CCDC6: variants seen among roughly 807,000 people sequenced by gnomAD.
CCDC6 encodes coiled-coil domain-containing protein 6.
In CCDC6, 20 loss-of-function variants were observed where a neutral mutation model predicts 56.6. That is an observed-to-expected ratio of 0.35 (90% confidence interval 0.25 to 0.51). The LOEUF (loss-of-function observed/expected upper bound fraction) is 0.51. Among genes scored for constraint, CCDC6 ranks in the 20% least tolerant of loss-of-function variants. CCDC6 has a pLI of 0.95. For synonymous variants in CCDC6, 241 were observed against 234.4 expected, an observed-to-expected ratio of 1.03 and a Z score of -0.26; for missense variants, 367 against 601.1, an observed-to-expected ratio of 0.61 and a Z score of 4.07.
At chr10:59,865,582 G>A (rs1040513862) in intron 1 of CCDC6, among the ~76,000 whole-genome samples, 4 of 152,106 alleles carry the variant, frequency 2.6e-5, no homozygotes, top group Non-Finnish European at 4.4e-5. Flanking sequence ...AGCTGGGCAC[G>A]GTGGCTCACG....
intron 7 of CCDC6, among the ~76,000 whole-genome samples, chr10:59,794,854 C>T (rs535052227): frequency 2.0e-5 from 3 of 152,116 alleles, no homozygotes; most frequent in East Asian, 1.9e-4. Context: ...GAATACACAA[C>T]GGGGAAAGAG....
rs750507272 is a variant in CCDC6 at position 59,906,322 on chromosome 10, C to T, written c.103G>A (p.Gly35Ser). The T allele has an allele frequency of 7.4e-5, 119 of 1,600,546 alleles. No individual in the cohort carries two copies. Among genetic ancestry groups the T allele is most frequent in the Non-Finnish European group, 8.8e-5 (104 of 1,178,846 alleles). ...SSCSSTSGGG[G>S]GGGGGGGGGK... ...CCGCCGCCGCCTCCCCCGCCGCCACCGCCGCCGCCCGAGGTCGACGAGCAG... is the reference window on the plus strand; with the variant it reads ...CCGCCGCCGCCTCCCCCGCCGCCACTGCCGCCGCCCGAGGTCGACGAGCAG... Residue 35 changes from glycine to serine, a missense_variant, in exon 1 of 9, where the codon GGT becomes AGT. By Grantham distance (56) the Gly-to-Ser change is moderately conservative (BLOSUM62 0). This residue lies in a region of CCDC6 where 79 missense variants were observed against 74.9 expected (regional missense o/e 1.05). Coordinates refer to ENST00000263102, the MANE Select transcript of CCDC6 (RefSeq NM_005436.5).
chr10:59,802,565 A>C (rs1431774386), intron 7 of CCDC6, among the ~76,000 whole-genome samples: 3 of 152,218 alleles, frequency 2.0e-5, no homozygotes, highest in African/African-American at 7.2e-5. Flanking sequence ...GTGATGTTAT[A>C]GAATTTAAAA....
chr10:59,841,544 G>A (rs1353092883), intron 2 of CCDC6, among the ~76,000 whole-genome samples: 2 of 152,164 alleles, frequency 1.3e-5, no homozygotes, highest in East Asian at 3.8e-4. Flanking sequence ...ACAATAATAA[G>A]TAAATGGCAG....
intron 1 of CCDC6, among the ~76,000 whole-genome samples, chr10:59,899,089 A>C (rs1156914096): frequency 6.6e-6 from 1 of 152,214 alleles, no homozygotes; most frequent in African/African-American, 2.4e-5. Flanking sequence ...ATAAAAGATA[A>C]GAAAATTTGA....
At chr10:59,804,600 G>A in intron 6 of CCDC6, 80 bp from the exon 7 acceptor site, 1 of 810,344 alleles carries the variant, frequency 1.2e-6, no homozygotes, top group South Asian at 1.4e-5. Flanking sequence ...AAAATGTTTG[G>A]GGTTCACACC....
intron 7 of CCDC6, among the ~76,000 whole-genome samples, chr10:59,799,269 A>G (rs1366691554): frequency 6.6e-6 from 1 of 151,986 alleles, no homozygotes; most frequent in Non-Finnish European, 1.5e-5. Context: ...TGTCTCTACT[A>G]AAAATACAAA....
At chr10:59,881,957 A>AGGGAACAG (rs1564755734) in intron 1 of CCDC6, among the ~76,000 whole-genome samples, 1 of 152,012 alleles carries the variant, frequency 6.6e-6, no homozygotes, top group Non-Finnish European at 1.5e-5. Flanking sequence ...GTTGGGCAAA[A>AGGGAACAG]GGGAACAGAA....
At chr10:59,882,785 C>G (rs1028575691) in intron 1 of CCDC6, among the ~76,000 whole-genome samples, 1 of 152,072 alleles carries the variant, frequency 6.6e-6, no homozygotes, top group Non-Finnish European at 1.5e-5. Flanking sequence ...ACAGTGAAAC[C>G]CCGCCTCTAG....
At position 59,852,699 on chromosome 10, in the gene CCDC6, C is replaced by A; in HGVS notation, c.307G>T (p.Ala103Ser). The change falls in exon 2 of 9, where the codon GCC becomes TCC. Residue 103 changes from alanine (A) to serine (S), a missense_variant. By Grantham distance (99) the Ala-to-Ser change is moderately conservative. Around this residue, in one of 7 missense-constraint regions of CCDC6, gnomAD observed 41 missense variants for 90.8 expected, o/e 0.45. Transcript: ENST00000263102. ...DLRKASVTIQ[A>S]RAEQEEEFIS... Reference sequence around the variant, plus strand: ...AATTCTTCTTCCTGCTCAGCCCTGGCTTGCTGTTTAAAAAAAAAAAAGGAA... The same window carrying A: ...AATTCTTCTTCCTGCTCAGCCCTGGATTGCTGTTTAAAAAAAAAAAAGGAA... 1 of 1,535,964 alleles carries A rather than the reference C, an allele frequency of 6.5e-7. No homozygotes were observed. The highest frequency in any genetic ancestry group is 2.4e-5 in the East Asian group (1 of 42,374).
chr10:59,839,683 A>G (rs1376676909), intron 2 of CCDC6, among the ~76,000 whole-genome samples: 1 of 152,140 alleles, frequency 6.6e-6, no homozygotes, highest in Admixed American at 6.5e-5. Flanking sequence ...TGGTCTTGCT[A>G]GGTTTTGCAT....
At chr10:59,885,556 C>T (rs780191470) in intron 1 of CCDC6, among the ~76,000 whole-genome samples, 1 of 152,108 alleles carries the variant, frequency 6.6e-6, no homozygotes, top group South Asian at 2.1e-4. Context: ...GACTGAGAGC[C>T]CTATCAGACC....
At chr10:59,821,269 C>T (rs1399001247) in intron 3 of CCDC6, among the ~76,000 whole-genome samples, 1 of 152,132 alleles carries the variant, frequency 6.6e-6, no homozygotes, top group Admixed American at 6.5e-5. Flanking sequence ...AAATACATCA[C>T]GTGCATCTGA....
In CCDC6 at chr10:59,882,026, CG is replaced by C. The variant is rs1251472790; in HGVS notation, c.303+24095del. Among the ~76,000 whole-genome samples, 7 of 51,478 alleles carry C rather than the reference CG, an allele frequency of 1.4e-4. 1 individual carries two copies. Among genetic ancestry groups the C allele is most frequent in the African/African-American group, 1.7e-4 (2 of 12,090 alleles). The allele number at this position is 51,478 out of a possible 152,430, so 33.8% of individuals were successfully genotyped here. On this transcript the variant is annotated intron_variant, in intron 1 of 8. Coordinates refer to ENST00000263102, the MANE Select transcript of CCDC6 (RefSeq NM_005436.5). Reference sequence around the variant, plus strand: ...GCTGGGGAGAAGGAAAGGAAAGCCGCGGGGAGAAGGAAAGGAAAGCCAGGGG... The same window carrying C: ...GCTGGGGAGAAGGAAAGGAAAGCCGCGGGAGAAGGAAAGGAAAGCCAGGGG...
Position 59,883,284 on chromosome 10 carries a change from G to A in CCDC6, c.303+22838C>T, listed in dbSNP as rs142854848. Reference sequence around the variant, plus strand: ...TAGCAATGAGTGAAATGTGATACTGGAAGCTATGGGACAGGGAACAAGGAA... The same window carrying A: ...TAGCAATGAGTGAAATGTGATACTGAAAGCTATGGGACAGGGAACAAGGAA... On this transcript the variant is annotated intron_variant, in intron 1 of 8. Transcript: ENST00000263102. 5.9e-5 allele frequency among the ~76,000 whole-genome samples: 9 copies of A among 152,296 alleles called. No individual in the cohort carries two copies. The East Asian group carries it at 1.7e-3, about 29-fold the overall frequency.
intron 1 of CCDC6, among the ~76,000 whole-genome samples, chr10:59,878,998 A>G (rs2071308789): frequency 6.6e-6 from 1 of 152,230 alleles, no homozygotes; most frequent in African/African-American, 2.4e-5. Flanking sequence ...TACCGTATAA[A>G]TTAGCAGTTA....
chr10:59,867,678 G>A (rs1252896826), intron 1 of CCDC6, among the ~76,000 whole-genome samples: 5 of 152,012 alleles, frequency 3.3e-5, no homozygotes, highest in East Asian at 1.9e-4. Context: ...CTCCGCCTCC[G>A]GAGTAGCTGG....
intron 5 of CCDC6, 73 bp downstream of exon 5, chr10:59,812,562 T>C: frequency 1.0e-6 from 1 of 958,756 alleles, no homozygotes. Flanking sequence ...TAATTAAATG[T>C]TGGTAATACC....
At chr10:59,837,253 C>T (rs1191340994) in intron 2 of CCDC6, among the ~76,000 whole-genome samples, 1 of 152,212 alleles carries the variant, frequency 6.6e-6, no homozygotes, top group African/African-American at 2.4e-5. Context: ...GGAGAACCTC[C>T]TCCAATAGGT....
Sources: allele counts gnomAD v4.1 joint callset (sites outside exome capture counted in the v4.1 genomes callset), GRCh38; gene constraint gnomAD v4.1.1; regional missense constraint gnomAD v4.1.1; transcripts MANE v1.5; gene names NCBI Gene and HGNC (gene_info 2026-07-23, HGNC 2026-07-21).